Variants in OLR1 observed in about 807,000 individuals in gnomAD.
The protein encoded by OLR1 is oxidized low-density lipoprotein receptor 1.
In OLR1, 23 loss-of-function variants were observed where a neutral mutation model predicts 31.7. The ratio of observed to expected loss-of-function variants is 0.72; its 90% CI spans 0.52 to 1.03. OLR1 has a LOEUF of 1.03. Among genes scored for constraint, OLR1 ranks in the 50% least tolerant of loss-of-function variants. The pLI is 0.00. For synonymous variants in OLR1, 117 were observed against 115.8 expected, an observed-to-expected ratio of 1.01 and a Z score of -0.07; for missense variants, 286 against 315.7, an observed-to-expected ratio of 0.91 and a Z score of 0.71.
chr12:10,173,760 C>T (rs1948743952), upstream of OLR1, among the ~76,000 whole-genome samples: 1 of 130,982 alleles, frequency 7.6e-6, no homozygotes, highest in Non-Finnish European at 1.6e-5. Flanking sequence ...GCGAGACTCC[C>T]TTTAAAAAAA....
rs368513131 is a variant in OLR1, at chr12:10,164,960, T to C, written c.424+1752A>G. Among the ~76,000 whole-genome samples, 10 of 152,262 alleles carry C rather than the reference T, an allele frequency of 6.6e-5. No homozygotes were observed. In the East Asian group the frequency reaches 1.4e-3, roughly 21 times the overall value. The stretch of plus-strand genomic sequence containing the variant: ...AGGCTTGCAAGCCAGTCTACCTCCA[T>C]TGGCTCTATTTAAATTGATGGGCCC... On this transcript the variant is annotated intron_variant, in intron 3 of 5. Transcript: ENST00000309539.
intron 2 of OLR1, among the ~76,000 whole-genome samples, chr12:10,168,495 G>C (rs7978499): frequency 0.054 from 8,229 of 151,994 alleles, 731 homozygotes; most frequent in African/African-American, 0.19. Flanking sequence ...TTGGTTTTTT[G>C]TTTGTTTGTT....
intron 1 of OLR1, 130 bp from the exon 2 acceptor site, chr12:10,169,305 C>T: frequency 1.9e-6 from 1 of 532,654 alleles, no homozygotes; most frequent in East Asian, 3.0e-5. Context: ...AAATAGTTTG[C>T]ATTCCATACC....
upstream of OLR1, chr12:10,172,243 T>G: frequency 1.8e-6 from 1 of 566,334 alleles, no homozygotes; most frequent in South Asian, 2.3e-5. Flanking sequence ...ATTGGGAAGT[T>G]CGCTGACGCA....
intron 3 of OLR1, among the ~76,000 whole-genome samples, chr12:10,161,549 A>C (rs562887255): frequency 6.6e-6 from 1 of 152,278 alleles, no homozygotes; most frequent in East Asian, 1.9e-4. Context: ...TGAGTACTAG[A>C]AATATAGCTA....
intron 3 of OLR1, among the ~76,000 whole-genome samples, chr12:10,165,609 T>G (rs1359227483): frequency 6.7e-6 from 1 of 148,926 alleles, no homozygotes; most frequent in Non-Finnish European, 1.5e-5. Context: ...TGGAATGGGG[T>G]GGGGGTGGCA....
chr12:10,173,763 TA>T (rs5796383), upstream of OLR1, among the ~76,000 whole-genome samples: 39,643 of 130,246 alleles, frequency 0.3, 5,558 homozygotes, highest in East Asian at 0.55. Flanking sequence ...AGACTCCCTT[TA>T]AAAAAAAAAA....
rs1207968205 is a variant in OLR1, at chr12:10,159,652, G to T, written c.*228C>A. The T allele has an allele frequency of 7.8e-6, 3 of 386,946 alleles. No homozygotes were observed. Among genetic ancestry groups the T allele is most frequent in the African/African-American group, 2.0e-5 (1 of 50,286 alleles). The allele number at this position is 386,946 out of a possible 1,614,324, so 24.0% of individuals were successfully genotyped here. On this transcript the variant is annotated 3_prime_UTR_variant, in exon 6 of 6. Transcript: ENST00000309539. ...AAAGGGGAAAATGGACTTCAGGCTG[G>T]CAGGGAAGCTTGGGACAAGCTAGGT...
At chr12:10,167,767 T>C (rs1948675088) in intron 2 of OLR1, 1 of 151,904 alleles carries the variant, frequency 6.6e-6, no homozygotes, top group African/African-American at 2.4e-5. Context: ...ATTTTTTCTT[T>C]TCTTTTTTTT....
Position 10,169,170 on chromosome 12 carries a change from G to T in OLR1, c.82C>A (p.Gln28Lys). 1 of 1,609,094 alleles carries T rather than the reference G, an allele frequency of 6.2e-7. No homozygotes were observed. Among genetic ancestry groups the T allele is most frequent in the South Asian group, 1.1e-5 (1 of 90,402 alleles). The stretch of plus-strand genomic sequence containing the variant: ...CACCACCATGGAGAGTAAAGAAACT[G>T]AAGACCTAGAGTGACAGAGGATAGA... ...KSNGKKAKGL[Q>K]FLYSPWWCLA... The change falls in exon 2 of 6, where the codon CAG becomes AAG. Residue 28 changes from glutamine to lysine, a missense_variant. Physicochemically the swap from Gln to Lys is moderately conservative, Grantham distance 53. Coordinates refer to ENST00000309539, the MANE Select transcript of OLR1 (RefSeq NM_002543.4).
In OLR1 at chr12:10,164,778, A is replaced by G. The variant is rs545672109; in HGVS notation, c.424+1934T>C. 2.6e-5 allele frequency among the ~76,000 whole-genome samples: 4 copies of G among 152,330 alleles called. No individual in the cohort carries two copies. The South Asian group carries it at 6.2e-4, about 24-fold the overall frequency. On this transcript the variant is annotated intron_variant, in intron 3 of 5. Transcript: ENST00000309539. ...ATAATACAGTAGCTTCTGTAACAAT[A>G]TCAGAGTTCACATCATAGTCTTCTT...
chr12:10,166,749 A>T lies in OLR1; in HGVS notation c.387T>A (p.Asn129Lys). The change falls in exon 3 of 6, where the codon AAT (asparagine) becomes AAA (lysine). Residue 129 changes from asparagine (N) to lysine (K), a missense_variant. Coordinates refer to ENST00000309539, the MANE Select transcript of OLR1 (RefSeq NM_002543.4). Reference sequence around the variant, plus strand: ...CTACTCTCTTCAGTGTTTCTTGGAGATTCAGATTCTGGTGGTGAAGTTCCA... The same window carrying T: ...CTACTCTCTTCAGTGTTTCTTGGAGTTTCAGATTCTGGTGGTGAAGTTCCA... ...EQMELHHQNL[N>K]LQETLKRVAN... 1 of 1,613,848 alleles carries T rather than the reference A, an allele frequency of 6.2e-7. No homozygotes were observed. The highest frequency in any genetic ancestry group is 1.3e-5 in the African/African-American group (1 of 74,924).
rs1403128339 is a variant in OLR1, at chr12:10,166,819, A to C, written c.317T>G (p.Ile106Arg). The change falls in exon 3 of 6, where the codon ATA becomes AGA. Residue 106 changes from isoleucine (I) to arginine (R), a missense_variant. By Grantham distance (97) the Ile-to-Arg change is moderately conservative. Coordinates refer to ENST00000309539, the MANE Select transcript of OLR1 (RefSeq NM_002543.4). The part of the protein sequence containing the change: ...QESENELKEM[I>R]ETLARKLNEK... Reference sequence around the variant, plus strand: ...ATTCAGCTTCCGAGCAAGGGTTTCTATCATTTCCTTGAGTTCGTTTTCTGA... The same window carrying C: ...ATTCAGCTTCCGAGCAAGGGTTTCTCTCATTTCCTTGAGTTCGTTTTCTGA... The C allele has an allele frequency of 6.2e-7, 1 of 1,613,640 alleles. No homozygotes were observed. The highest frequency in any genetic ancestry group is 8.5e-7 in the Non-Finnish European group (1 of 1,179,956).
At chr12:10,169,245 C>T (rs565074798) in intron 1 of OLR1, 70 bp from the exon 2 acceptor site, 3 of 1,065,874 alleles carry the variant, frequency 2.8e-6, no homozygotes, top group South Asian at 3.0e-5. Context: ...TTCCTTGGAG[C>T]CTGTCTGTAC....
chr12:10,171,713 A>G (rs1295775893), intron 1 of OLR1, among the ~76,000 whole-genome samples: 2 of 152,228 alleles, frequency 1.3e-5, no homozygotes, highest in Non-Finnish European at 2.9e-5. Flanking sequence ...AAAGGGAGAT[A>G]GTAATAGTAC....
At chr12:10,162,521 TA>T (rs1423836373) in intron 3 of OLR1, among the ~76,000 whole-genome samples, 1 of 152,212 alleles carries the variant, frequency 6.6e-6, no homozygotes, top group African/African-American at 2.4e-5. Flanking sequence ...TCATATTATG[TA>T]AATATAAATA....
chr12:10,174,225 T>G (rs1284472742), upstream of OLR1, among the ~76,000 whole-genome samples: 1 of 152,060 alleles, frequency 6.6e-6, no homozygotes, highest in Admixed American at 6.6e-5. Flanking sequence ...CCCTCCCGGC[T>G]AATTGTTTTG....
chr12:10,160,401 C>T lies in OLR1; in HGVS notation c.626G>A (p.Arg209Lys), dbSNP rs373022812. Residue 209 changes from arginine to lysine, a missense_variant, in exon 5 of 6, where the codon AGG becomes AAG. Coordinates refer to ENST00000309539, the MANE Select transcript of OLR1 (RefSeq NM_002543.4). ...CCAGAGCCATGGGTAGCTGGGGTTC[C>T]TCCGAGACAGCCCCATCCAGAATGG... ...SFPFWMGLSRRNPSYPWLWED... is the reference protein window; with the variant it reads ...SFPFWMGLSRKNPSYPWLWED... 5.6e-5 allele frequency: 91 copies of T among 1,613,914 alleles called. 1 individual carries two copies. The South Asian group carries it at 8.9e-4, about 16-fold the overall frequency.
chr12:10,166,123 A>T (rs1025717840), intron 3 of OLR1, among the ~76,000 whole-genome samples: 1 of 152,002 alleles, frequency 6.6e-6, no homozygotes, highest in Non-Finnish European at 1.5e-5. Flanking sequence ...GAGGCAGGAG[A>T]ACTGCTTGAA....
Sources: allele counts gnomAD v4.1 joint callset (sites outside exome capture counted in the v4.1 genomes callset), GRCh38; gene constraint gnomAD v4.1.1; transcripts MANE v1.5; gene names NCBI Gene and HGNC (gene_info 2026-07-23, HGNC 2026-07-21).